ORC2: variants seen among roughly 807,000 people sequenced by gnomAD.
The protein encoded by ORC2 is origin recognition complex subunit 2.
ORC2 carries 37 observed loss-of-function variants against 77.7 expected under a neutral mutation model. The observed-to-expected ratio is 0.48, with a 90% CI of 0.37 to 0.63. The LOEUF (loss-of-function observed/expected upper bound fraction) is 0.63. Among genes scored for constraint, ORC2 ranks in the 20% least tolerant of loss-of-function variants. The probability of loss-of-function intolerance (pLI) is 0.00; values close to 1 mark genes in which losing one functional copy is unlikely to be tolerated. For synonymous variants in ORC2, 201 were observed against 229.5 expected (o/e 0.88, Z 1.12); for missense variants, 557 against 661.9 (o/e 0.84, Z 1.74).
chr2:200,936,335 A>G (rs2041047645), intron 8 of ORC2, among the ~76,000 whole-genome samples: 1 of 152,188 alleles, frequency 6.6e-6, no homozygotes. Flanking sequence ...ATGGTTGACT[A>G]TGTGACCCCT....
chr2:200,911,949 C>T (rs2040558132), intron 17 of ORC2, among the ~76,000 whole-genome samples: 1 of 152,188 alleles, frequency 6.6e-6, no homozygotes, highest in African/African-American at 2.4e-5. Context: ...ATTTTATATT[C>T]CTAAATCTCA....
Position 200,931,452 on chromosome 2 carries a change from TAA to T in ORC2, c.808-6_808-5del. On this transcript the variant is annotated splice_polypyrimidine_tract_variant and splice_region_variant and intron_variant, in intron 10 of 17. Coordinates refer to ENST00000234296, the MANE Select transcript of ORC2 (RefSeq NM_006190.5). ...TCAATAAGTTACGCAAAGTTTGCTTTAAAAAAAAGGAGGAGGGGAAAAAAGTC... is the reference window on the plus strand; with the variant it reads ...TCAATAAGTTACGCAAAGTTTGCTTTAAAAAAGGAGGAGGGGAAAAAAGTC... 1 of 1,516,922 alleles carries T rather than the reference TAA, an allele frequency of 6.6e-7. No homozygotes were observed. Among genetic ancestry groups the T allele is most frequent in the South Asian group, 1.2e-5 (1 of 83,036 alleles). 94.0% of individuals were successfully genotyped at this position (1,516,922 alleles called of 1,614,324 possible).
At chr2:200,930,690 C>T (rs996105814) in intron 11 of ORC2, among the ~76,000 whole-genome samples, 2 of 151,970 alleles carry the variant, frequency 1.3e-5, no homozygotes, top group Non-Finnish European at 2.9e-5. Context: ...CATTAGTGTA[C>T]ATTTTAAGCA....
rs558002611 is a variant in ORC2, at chr2:200,957,394, C to G, written c.238+7G>C. 15 of 1,569,032 alleles carry G rather than the reference C, an allele frequency of 9.6e-6. No individual in the cohort carries two copies. In the Admixed American group the frequency reaches 1.5e-4, roughly 15 times the overall value. ...GAAACGAGTGTATATTTCACCCCCT[C>G]AAATACCTTGAACATCTCTTCCCAT... On this transcript the variant is annotated splice_region_variant and intron_variant, in intron 4 of 17. Coordinates refer to ENST00000234296, the MANE Select transcript of ORC2 (RefSeq NM_006190.5).
chr2:200,949,713 A>C (rs2041316802), intron 4 of ORC2, 70 bp from the exon 5 acceptor site: 4 of 852,254 alleles, frequency 4.7e-6, no homozygotes, highest in Non-Finnish European at 7.6e-6. Context: ...TTTTAACAAA[A>C]AAACTTAAGA....
chr2:200,946,425 A>G (rs866394644), intron 5 of ORC2, among the ~76,000 whole-genome samples: 1 of 152,218 alleles, frequency 6.6e-6, no homozygotes, highest in Admixed American at 6.5e-5. Context: ...GAGTCAATGA[A>G]ATTCATTAAA....
intron 8 of ORC2, among the ~76,000 whole-genome samples, chr2:200,936,926 A>T (rs1457328001): frequency 6.6e-6 from 1 of 152,186 alleles, no homozygotes; most frequent in Non-Finnish European, 1.5e-5. Context: ...CAGCATATTT[A>T]TTCTGAACAA....
chr2:200,961,139 A>G (rs2041563032), intron 1 of ORC2, among the ~76,000 whole-genome samples: 1 of 151,970 alleles, frequency 6.6e-6, no homozygotes. Flanking sequence ...TAAAAATGTT[A>G]TCATAAATGC....
intron 4 of ORC2, 87 bp from the exon 5 acceptor site, chr2:200,949,730 C>G: frequency 1.6e-6 from 1 of 644,750 alleles, no homozygotes; most frequent in Non-Finnish European, 2.7e-6. Context: ...AAGATTTGTA[C>G]CCCTCATAGC....
At chr2:200,923,449 C>G (rs1369435264) in intron 13 of ORC2, among the ~76,000 whole-genome samples, 4 of 151,986 alleles carry the variant, frequency 2.6e-5, no homozygotes, top group Non-Finnish European at 5.9e-5. Context: ...AGGGTTTCAC[C>G]ATGTTGCCCA....
At chr2:200,942,264 A>C (rs918161288) in intron 6 of ORC2, among the ~76,000 whole-genome samples, 1 of 152,226 alleles carries the variant, frequency 6.6e-6, no homozygotes, top group East Asian at 1.9e-4. Flanking sequence ...AAATATAAAT[A>C]AAGAGCAACG....
chr2:200,917,746 G>A (rs2040681415), intron 15 of ORC2, among the ~76,000 whole-genome samples: 1 of 151,194 alleles, frequency 6.6e-6, no homozygotes, highest in South Asian at 2.1e-4. Context: ...GTTGGTGGAA[G>A]TTGGTGCTTT....
rs151179524 is a variant in ORC2, at chr2:200,925,883, C to T, written c.1100G>A (p.Arg367His). 404 of 1,601,116 alleles carry T rather than the reference C, an allele frequency of 2.5e-4. No homozygotes were observed. The highest frequency in any genetic ancestry group is 3.2e-4 in the Non-Finnish European group (377 of 1,170,274). The change falls in exon 13 of 18, where the codon CGC becomes CAC. Residue 367 changes from arginine to histidine, a missense_variant. Arg to His is a conservative substitution (Grantham distance 29). Coordinates refer to ENST00000234296, the MANE Select transcript of ORC2 (RefSeq NM_006190.5). ...EEVLDHMGTF[R>H]SILDQLDWIV... ...CCAGTCTAGCTGATCCAGTATACTG[C>T]GGAAAGTACCCATATGATCGAGGAC...
chr2:200,952,418 C>T (rs911525339), intron 4 of ORC2, among the ~76,000 whole-genome samples: 7 of 151,990 alleles, frequency 4.6e-5, no homozygotes, highest in African/African-American at 1.7e-4. Flanking sequence ...CGCCACCACA[C>T]CCGGCTAATT....
chr2:200,935,038 G>T (rs778754482), intron 9 of ORC2, among the ~76,000 whole-genome samples: 8 of 152,110 alleles, frequency 5.3e-5, no homozygotes, highest in Admixed American at 1.3e-4. Flanking sequence ...GAGAACTCAT[G>T]CCTCCAATTG....
At chr2:200,958,629 C>G (rs1044802175) in intron 2 of ORC2, among the ~76,000 whole-genome samples, 2 of 152,278 alleles carry the variant, frequency 1.3e-5, no homozygotes, top group South Asian at 4.1e-4. Context: ...ATCAAAAAAC[C>G]CTCAAGCACC....
chr2:200,925,720 CAGAG>C (rs2040828313), intron 13 of ORC2, 112 bp downstream of exon 13: 1 of 337,028 alleles, frequency 3.0e-6, no homozygotes, highest in Admixed American at 4.0e-5. Flanking sequence ...GGCTGGGCAA[CAGAG>C]AGACTGTCTC....
chr2:200,916,914 T>C (rs532080866), intron 15 of ORC2, among the ~76,000 whole-genome samples: 1 of 151,922 alleles, frequency 6.6e-6, no homozygotes, highest in South Asian at 2.1e-4. Context: ...CAGGATGGTC[T>C]TGATCTCCTG....
intron 1 of ORC2, chr2:200,963,273 G>C (rs1485592818): frequency 1.3e-5 from 5 of 395,808 alleles, no homozygotes; most frequent in Non-Finnish European, 2.2e-5. Context: ...AGTTGGCTGC[G>C]CTCCACCAGT....
Sources: gnomAD v4.1 joint callset for allele counts (sites outside exome capture counted in the v4.1 genomes callset) on GRCh38, gnomAD v4.1.1 for gene constraint, MANE v1.5 for transcripts, NCBI Gene and HGNC (gene_info 2026-07-23, HGNC 2026-07-21) for gene names.